The following NMUR2 variants were observed in gnomAD, a reference collection of about 807,000 sequenced individuals.
NMUR2 encodes neuromedin U receptor 2.
In NMUR2, 24 loss-of-function variants were observed where a neutral mutation model predicts 25.1. That is an observed-to-expected ratio of 0.96 (90% CI 0.69 to 1.34). The LOEUF is 1.34. NMUR2 is among the 40% of genes most tolerant of loss of function. The pLI is 0.00. For synonymous variants in NMUR2, 218 were observed against 208.1 expected (o/e 1.05, Z -0.41); for missense variants, 533 against 512.8 (o/e 1.04, Z -0.38).
chr5:152,393,675 T>A (rs1285621084), intron 3 of NMUR2, among the ~76,000 whole-genome samples: 1 of 152,146 alleles, frequency 6.6e-6, no homozygotes, highest in Admixed American at 6.6e-5. Flanking sequence ...CAGTATCTGT[T>A]AAGAACAAAT....
chr5:152,401,986 T>C (rs1180164035), intron 1 of NMUR2, among the ~76,000 whole-genome samples: 1 of 152,138 alleles, frequency 6.6e-6, no homozygotes, highest in Non-Finnish European at 1.5e-5. Context: ...AGTCTTTGTT[T>C]TAAAGGTAGA....
intron 3 of NMUR2, 116 bp from the exon 4 acceptor site, chr5:152,392,617 G>T: frequency 1.3e-6 from 1 of 745,654 alleles, no homozygotes. Context: ...TCTTTTATAA[G>T]TGATAATACA....
Position 152,404,864 on chromosome 5 carries a change from GGTAGTA to G in NMUR2, c.244_249del (p.Tyr82_Tyr83del). Reference sequence around the variant, plus strand: ...AGGTCAGAGACCGCCAGGCTGAAGAGGTAGTAGTTGGTGGGCGTCTTCATAGCCTGG... The same window carrying G: ...AGGTCAGAGACCGCCAGGCTGAAGAGGTTGGTGGGCGTCTTCATAGCCTGG... On this transcript the variant is annotated inframe_deletion, in exon 1 of 4. Coordinates refer to ENST00000255262, the MANE Select transcript of NMUR2 (RefSeq NM_020167.5). 1 of 1,614,104 alleles carries G rather than the reference GGTAGTA, an allele frequency of 6.2e-7. No homozygotes were observed. The highest frequency in any genetic ancestry group is 1.1e-5 in the South Asian group (1 of 91,082).
intron 1 of NMUR2, among the ~76,000 whole-genome samples, chr5:152,402,856 G>A (rs1041782211): frequency 6.6e-6 from 1 of 152,176 alleles, no homozygotes; most frequent in Non-Finnish European, 1.5e-5. Context: ...GACTGGCACA[G>A]CTCTCTGCCT....
At chr5:152,403,376 A>G (rs989850720) in intron 1 of NMUR2, among the ~76,000 whole-genome samples, 1 of 152,200 alleles carries the variant, frequency 6.6e-6, no homozygotes, top group African/African-American at 2.4e-5. Context: ...GTCATTGTGA[A>G]GAACTTTTCT....
Position 152,403,139 on chromosome 5 carries a change from G to GT in NMUR2, c.726+1248dup, listed in dbSNP as rs539697948. On this transcript the variant is annotated intron_variant, in intron 1 of 3. Transcript: ENST00000255262. ...ACTCACATTACTTCAGCTCACAGGT[G>GT]TTTTTTTTTCTTTTTTTAAAGGAAT... Among the ~76,000 whole-genome samples, 530 of 151,070 alleles carry GT rather than the reference G, an allele frequency of 3.5e-3. 5 individuals are homozygous for GT. The highest frequency in any genetic ancestry group is 0.01 in the African/African-American group (414 of 41,148).
intron 1 of NMUR2, among the ~76,000 whole-genome samples, chr5:152,398,862 T>C (rs73799620): frequency 0.015 from 2,302 of 152,312 alleles, 64 homozygotes; most frequent in African/African-American, 0.053. Context: ...AAAAGTCTTA[T>C]GTGTTTCTGA....
In NMUR2 at chr5:152,398,076, T is replaced by A. The variant is rs144624295; in HGVS notation, c.795A>T (p.Ser265=). The A allele has an allele frequency of 1.2e-5, 19 of 1,613,264 alleles. No homozygotes were observed. The African/African-American group carries it at 2.3e-4, about 19-fold the overall frequency. Residue 265 remains serine, a synonymous_variant, in exon 2 of 4, where the codon TCA becomes TCT. Coordinates refer to ENST00000255262, the MANE Select transcript of NMUR2 (RefSeq NM_020167.5). The part of the protein sequence containing the change: ...NANIQRPCRK[S]VNKMLFVLVL... ...GGCACTTACACAGCATCTTGTTGAC[T>A]GATTTTCTGCAGGGTCTTTGAATAT...
intron 2 of NMUR2, 55 bp from the exon 3 acceptor site, chr5:152,395,639 T>C: frequency 6.3e-7 from 1 of 1,589,448 alleles, no homozygotes; most frequent in Non-Finnish European, 8.6e-7. Flanking sequence ...AGGATAGGTA[T>C]ACAATGCTCA....
chr5:152,405,239 A>T lies in NMUR2; in HGVS notation c.-126T>A. ...CAGTCACGAAAGTCACAGGCTTCGT[A>T]AGGAAGGCTGGGAGAGAGTGAGTGT... On this transcript the variant is annotated 5_prime_UTR_variant, in exon 1 of 4. Coordinates refer to ENST00000255262, the MANE Select transcript of NMUR2 (RefSeq NM_020167.5). 1 of 1,165,100 alleles carries T rather than the reference A, an allele frequency of 8.6e-7. No individual in the cohort carries two copies. The allele number at this position is 1,165,100 out of a possible 1,614,324, so 72.2% of individuals were successfully genotyped here.
chr5:152,392,630 C>A (rs1029130100), intron 3 of NMUR2, 129 bp from the exon 4 acceptor site: 1 of 683,830 alleles, frequency 1.5e-6, no homozygotes, highest in Non-Finnish European at 2.5e-6. Context: ...ATAATACATA[C>A]AAGCATCTAA....
Position 152,392,165 on chromosome 5 carries a change from TAGAGG to T in NMUR2, c.*21_*25del. Reference sequence around the variant, plus strand: ...TGTTCCTCTCTGAAGTTTTGAGGCATAGAGGAGAGTCAGCTCTGAAAGAATTCAGG... The same window carrying T: ...TGTTCCTCTCTGAAGTTTTGAGGCATAGAGTCAGCTCTGAAAGAATTCAGG... On this transcript the variant is annotated 3_prime_UTR_variant, in exon 4 of 4. Coordinates refer to ENST00000255262, the MANE Select transcript of NMUR2 (RefSeq NM_020167.5). The T allele has an allele frequency of 1.9e-6, 3 of 1,577,588 alleles. No homozygotes were observed. Among genetic ancestry groups the T allele is most frequent in the Non-Finnish European group, 2.6e-6 (3 of 1,156,178 alleles).
rs755475199 is a variant in NMUR2, at chr5:152,404,560, T to C, written c.554A>G (p.His185Arg). ...GGGGAAGTAGTGGAACTTGATGCCA[T>C]GGATGCTGGTGTTGGGCAGGGAGAA... ...VLFSLPNTSI[H>R]GIKFHYFPNG... The change falls in exon 1 of 4, where the codon CAT becomes CGT. Residue 185 changes from histidine (H) to arginine (R), a missense_variant. Transcript: ENST00000255262. The C allele has an allele frequency of 2.5e-6, 4 of 1,613,844 alleles. No individual in the cohort carries two copies. In the African/African-American group the frequency reaches 4.0e-5, roughly 16 times the overall value.
intron 1 of NMUR2, among the ~76,000 whole-genome samples, chr5:152,398,935 T>G (rs1753210024): frequency 6.6e-6 from 1 of 152,188 alleles, no homozygotes; most frequent in African/African-American, 2.4e-5. Flanking sequence ...ATGTAACATT[T>G]GAAACTTTCA....
At chr5:152,398,675 G>T (rs1461663115) in intron 1 of NMUR2, among the ~76,000 whole-genome samples, 2 of 152,054 alleles carry the variant, frequency 1.3e-5, no homozygotes, top group African/African-American at 2.4e-5. Context: ...TTTCCACTTA[G>T]CTCCCCTCTA....
chr5:152,397,591 G>A (rs549398912), intron 2 of NMUR2, among the ~76,000 whole-genome samples: 1 of 131,252 alleles, frequency 7.6e-6, no homozygotes, highest in Non-Finnish European at 1.7e-5. Flanking sequence ...ATGCATATTT[G>A]TTCATTTTTT....
rs1250036323 is a variant in NMUR2, at chr5:152,392,138, G to A, written c.*53C>T. 1 of 1,428,916 alleles carries A rather than the reference G, an allele frequency of 7.0e-7. No homozygotes were observed. The highest frequency in any genetic ancestry group is 9.7e-7 in the Non-Finnish European group (1 of 1,032,664). The allele number at this position is 1,428,916 out of a possible 1,614,324, so 88.5% of individuals were successfully genotyped here. ...TCATATGAGAAGGCATACATTATGGGATGTTCCTCTCTGAAGTTTTGAGGC... is the reference window on the plus strand; with the variant it reads ...TCATATGAGAAGGCATACATTATGGAATGTTCCTCTCTGAAGTTTTGAGGC... On this transcript the variant is annotated 3_prime_UTR_variant, in exon 4 of 4. Coordinates refer to ENST00000255262, the MANE Select transcript of NMUR2 (RefSeq NM_020167.5).
In NMUR2 at chr5:152,391,835, A is replaced by G. The variant is rs1753064284; in HGVS notation, c.*356T>C. 1 of 192,120 alleles carries G rather than the reference A, an allele frequency of 5.2e-6. No individual in the cohort carries two copies. Among genetic ancestry groups the G allele is most frequent in the South Asian group, 1.1e-4 (1 of 9,414 alleles). The allele number at this position is 192,120 out of a possible 1,614,324, so 11.9% of individuals were successfully genotyped here. ...TCTGTGGCTCACAGTGGCCATTGGT[A>G]GTAGGAGTGACAGCCTGACTCGGAA... On this transcript the variant is annotated 3_prime_UTR_variant, in exon 4 of 4. Transcript: ENST00000255262.
intron 2 of NMUR2, among the ~76,000 whole-genome samples, chr5:152,396,288 C>G (rs756670373): frequency 1.3e-5 from 2 of 151,146 alleles, no homozygotes; most frequent in Non-Finnish European, 1.5e-5. Context: ...TCTTGGGATT[C>G]GCCTAAAGAT....
Sources: gnomAD v4.1 joint callset for allele counts (sites outside exome capture counted in the v4.1 genomes callset) on GRCh38, gnomAD v4.1.1 for gene constraint, MANE v1.5 for transcripts, NCBI Gene and HGNC (gene_info 2026-07-23, HGNC 2026-07-21) for gene names.